Variants in PCDHGA2 observed in about 807,000 individuals in gnomAD.
PCDHGA2 encodes protocadherin gamma subfamily A, 2.
In PCDHGA2, 40 loss-of-function variants were observed where a neutral mutation model predicts 59.2. The ratio of observed to expected loss-of-function variants is 0.68; its 90% CI spans 0.52 to 0.88. The LOEUF is 0.88. PCDHGA2 is among the 40% of genes least tolerant of loss of function. PCDHGA2 has a pLI of 0.00. For synonymous variants in PCDHGA2, 560 were observed against 526.0 expected, an observed-to-expected ratio of 1.06 and a Z score of -0.89; for missense variants, 1,226 against 1,204.0, an observed-to-expected ratio of 1.02 and a Z score of -0.27.
At chr5:141,499,287 C>T (rs896428388) in intron 2 of PCDHGA2, among the ~76,000 whole-genome samples, 3 of 152,184 alleles carry the variant, frequency 2.0e-5, no homozygotes, top group Non-Finnish European at 2.9e-5. Context: ...CTGATGGCTC[C>T]ACACTACCAT....
chr5:141,423,626 T>C (rs745796529), intron 1 of PCDHGA2: 1 of 1,606,498 alleles, frequency 6.2e-7, no homozygotes, highest in South Asian at 1.1e-5. Context: ...GACTCAGCTA[T>C]CATTTTAGGC....
At chr5:141,435,805 T>C (rs2097780946) in intron 1 of PCDHGA2, among the ~76,000 whole-genome samples, 1 of 152,178 alleles carries the variant, frequency 6.6e-6, no homozygotes, top group African/African-American at 2.4e-5. Flanking sequence ...GTCCCAATTA[T>C]TTTTTCTTTC....
intron 1 of PCDHGA2, chr5:141,478,046 C>A (rs762982394): frequency 3.7e-6 from 6 of 1,614,172 alleles, no homozygotes; most frequent in Non-Finnish European, 5.1e-6. Flanking sequence ...CAGGCAGACT[C>A]TCACGGTCTT....
chr5:141,423,405 G>T (rs1444037259), intron 1 of PCDHGA2: 1 of 1,614,154 alleles, frequency 6.2e-7, no homozygotes, highest in African/African-American at 1.3e-5. Context: ...CACGCCTGCT[G>T]CAGGCTTCTG....
intron 1 of PCDHGA2, chr5:141,393,162 T>C (rs771570808): frequency 3.1e-6 from 5 of 1,613,142 alleles, no homozygotes; most frequent in Admixed American, 1.7e-5. Context: ...AGGAAAACTC[T>C]TTGGGGTAGA....
chr5:141,502,491 T>G lies in PCDHGA2; in HGVS notation c.2484-2902T>G, dbSNP rs557202239. Among the ~76,000 whole-genome samples, 1,415 of 152,344 alleles carry G rather than the reference T, an allele frequency of 9.3e-3. 29 individuals carry two copies. The highest frequency in any genetic ancestry group is 0.033 in the African/African-American group (1,352 of 41,578). ...TCCCGCAGCATCACACTGGGACTCA[T>G]CTAACGTCGGCCTGTCCCACTATCA... is the stretch of plus-strand genomic sequence containing the variant. On this transcript the variant is annotated intron_variant, in intron 2 of 3. Transcript: ENST00000394576.
chr5:141,420,005 C>T, intron 1 of PCDHGA2: 2 of 1,614,056 alleles, frequency 1.2e-6, no homozygotes, highest in Non-Finnish European at 1.7e-6. Context: ...TCTACGCCTG[C>T]GACAGTCTTT....
intron 1 of PCDHGA2, chr5:141,390,362 G>A: frequency 6.5e-7 from 1 of 1,533,010 alleles, no homozygotes. Flanking sequence ...ATATTTGCAG[G>A]AAAATATATA....
intron 1 of PCDHGA2, chr5:141,384,713 C>T (rs1780398191): frequency 4.3e-6 from 7 of 1,614,104 alleles, no homozygotes; most frequent in Non-Finnish European, 5.9e-6. Context: ...GCCTGGCTGT[C>T]ATACCTCCTG....
chr5:141,339,779 G>A lies in PCDHGA2; in HGVS notation c.808G>A (p.Asp270Asn). ...RILTVTATDA[D>N]EGYYAQVVYF... Reference sequence around the variant, plus strand: ...ACTCACGGTGACCGCCACTGACGCAGATGAGGGCTACTACGCTCAAGTGGT... The same window carrying A: ...ACTCACGGTGACCGCCACTGACGCAAATGAGGGCTACTACGCTCAAGTGGT... The change falls in exon 1 of 4, where the codon GAT becomes AAT. Residue 270 changes from aspartate (D) to asparagine (N), a missense_variant. By Grantham distance (23) the Asp-to-Asn change is conservative. Transcript: ENST00000394576. The A allele has an allele frequency of 6.2e-7, 1 of 1,614,218 alleles. No homozygotes were observed. Among genetic ancestry groups the A allele is most frequent in the South Asian group, 1.1e-5 (1 of 91,082 alleles).
In PCDHGA2 at chr5:141,491,797, G is replaced by T. The variant is rs537755017; in HGVS notation, c.2425-3010G>T. The stretch of plus-strand genomic sequence containing the variant: ...ATTGAACTTGCATCCACTCCTCTCC[G>T]GCCGGCTTGGTCGCTGGCTGCGCTC... On this transcript the variant is annotated intron_variant, in intron 1 of 3. Coordinates refer to ENST00000394576, the MANE Select transcript of PCDHGA2 (RefSeq NM_018915.4). The surrounding 1 kb of genome is among the most constrained non-coding windows in gnomAD (Gnocchi z 6.9). 2.0e-6 allele frequency: 3 copies of T among 1,506,818 alleles called. No homozygotes were observed. The highest frequency in any genetic ancestry group is 2.4e-5 in the Admixed American group (1 of 41,734). 93.3% of individuals were successfully genotyped at this position (1,506,818 alleles called of 1,614,324 possible). A position where few individuals can be genotyped will look rare whatever the true frequency, so the allele number is the denominator to read the frequency against.
At chr5:141,443,090 C>T (rs1403922939) in intron 1 of PCDHGA2, among the ~76,000 whole-genome samples, 3 of 151,926 alleles carry the variant, frequency 2.0e-5, no homozygotes, top group Non-Finnish European at 2.9e-5. Context: ...TTCCAGTCTC[C>T]TTCTCAAGCT....
At chr5:141,448,984 A>C (rs2098621334) in intron 1 of PCDHGA2, among the ~76,000 whole-genome samples, 1 of 152,086 alleles carries the variant, frequency 6.6e-6, no homozygotes, top group Non-Finnish European at 1.5e-5. Context: ...CTTCCATATT[A>C]ATATATAGAA....
At chr5:141,387,282 A>C (rs578102496) in intron 1 of PCDHGA2, among the ~76,000 whole-genome samples, 59 of 152,340 alleles carry the variant, frequency 3.9e-4, no homozygotes, top group Admixed American at 2.0e-3. Context: ...CAATGAAAGA[A>C]AGATAAAATG....
intron 1 of PCDHGA2, chr5:141,351,647 C>T (rs566032831): frequency 6.2e-7 from 1 of 1,614,058 alleles, no homozygotes; most frequent in South Asian, 1.1e-5. Flanking sequence ...GAACAACCCA[C>T]CTGGCGCCTC....
intron 1 of PCDHGA2, chr5:141,352,384 C>A (rs771384435): frequency 1.2e-6 from 2 of 1,613,934 alleles, no homozygotes; most frequent in Admixed American, 3.3e-5. Context: ...TAGCGATCGC[C>A]CTGCGCCTGC....
intron 1 of PCDHGA2, chr5:141,389,817 C>G: frequency 1.2e-6 from 2 of 1,613,870 alleles, no homozygotes; most frequent in Non-Finnish European, 1.7e-6. Context: ...GGTCGCCGTG[C>G]GTGACGGTGG....
At chr5:141,404,126 T>G in intron 1 of PCDHGA2, 1 of 1,613,316 alleles carries the variant, frequency 6.2e-7, no homozygotes, top group Non-Finnish European at 8.5e-7. Context: ...GAATCTATCT[T>G]TTACATTAGA....
intron 2 of PCDHGA2, among the ~76,000 whole-genome samples, chr5:141,503,596 C>T (rs1267014587): frequency 7.7e-6 from 1 of 129,694 alleles, no homozygotes; most frequent in African/African-American, 3.3e-5. Context: ...GAGACTCCAG[C>T]TCAAAAAAAA....
Sources: gnomAD v4.1 joint callset for allele counts (sites outside exome capture counted in the v4.1 genomes callset) on GRCh38, gnomAD v4.1.1 for gene constraint, Gnocchi (gnomAD v3.1) non-coding constraint, MANE v1.5 for transcripts, NCBI Gene and HGNC (gene_info 2026-07-23, HGNC 2026-07-21) for gene names.